ACTR3C: variants seen among roughly 807,000 people sequenced by gnomAD.
The protein encoded by ACTR3C is actin related protein 3C.
A neutral mutation model predicts 26.3 loss-of-function variants in ACTR3C; 18 were observed. The observed-to-expected ratio is 0.68, with a 90% CI of 0.47 to 1.01. The LOEUF (loss-of-function observed/expected upper bound fraction) is 1.01. Ranked by LOEUF, ACTR3C falls within the 50% of genes least tolerant of loss-of-function variation. The probability of loss-of-function intolerance (pLI) is 0.00; values close to 1 mark genes in which losing one functional copy is unlikely to be tolerated. For missense variants in ACTR3C, 184 were observed against 250.7 expected (o/e 0.73, Z 1.80); for synonymous variants, 55 against 94.5 (o/e 0.58, Z 2.42).
the ACTR3C span, among the ~76,000 whole-genome samples, chr7:149,958,658 G>A: frequency 6.6e-5 from 10 of 152,290 alleles, no homozygotes; most frequent in African/African-American, 2.2e-4. Context: ...CACCATACAC[G>A]TAAAACATCT....
At chr7:150,165,669 C>T in the ACTR3C span, among the ~76,000 whole-genome samples, 5,270 of 152,176 alleles carry the variant, frequency 0.035, 153 homozygotes, top group East Asian at 0.19. Context: ...TGGAGTGGCC[C>T]CCTTTCCTGC....
intron 6 of ACTR3C, among the ~76,000 whole-genome samples, chr7:150,282,895 T>C (rs1192077789): frequency 6.7e-6 from 1 of 148,982 alleles, no homozygotes; most frequent in Admixed American, 6.6e-5. Context: ...TTTTACATAA[T>C]TTTCAGTGTG....
At chr7:150,032,353 T>C in the ACTR3C span, among the ~76,000 whole-genome samples, 2 of 152,168 alleles carry the variant, frequency 1.3e-5, no homozygotes, top group Non-Finnish European at 2.9e-5. Flanking sequence ...CTGCAAGGTC[T>C]GCAGAACCAC....
At chr7:150,316,274 A>T (rs769250314) in intron 1 of ACTR3C, among the ~76,000 whole-genome samples, 2 of 152,186 alleles carry the variant, frequency 1.3e-5, no homozygotes. Context: ...TAAGCAATAC[A>T]TTGGGCCTGT....
the ACTR3C span, among the ~76,000 whole-genome samples, chr7:150,060,717 C>T: frequency 6.6e-6 from 1 of 152,234 alleles, no homozygotes; most frequent in Non-Finnish European, 1.5e-5. Flanking sequence ...GAAATGCAAG[C>T]TCCGTCCAGC....
chr7:150,251,649 T>C (rs1832861871), intron 6 of ACTR3C, among the ~76,000 whole-genome samples: 1 of 152,056 alleles, frequency 6.6e-6, no homozygotes, highest in Admixed American at 6.5e-5. Context: ...TAATAGAATG[T>C]ACATTTTCTT....
At chr7:150,321,054 C>T (rs1210650184) in intron 1 of ACTR3C, among the ~76,000 whole-genome samples, 2 of 152,182 alleles carry the variant, frequency 1.3e-5, no homozygotes, top group East Asian at 3.9e-4. Context: ...TCACTTAGTT[C>T]AGTTTTAGCA....
At chr7:150,301,852 T>C (rs955912516) in intron 1 of ACTR3C, among the ~76,000 whole-genome samples, 67 of 151,942 alleles carry the variant, frequency 4.4e-4, no homozygotes, top group African/African-American at 1.6e-3. Flanking sequence ...AAAATGGGCA[T>C]TCCAGGGGCA....
the ACTR3C span, among the ~76,000 whole-genome samples, chr7:150,033,892 C>A: frequency 1.4e-5 from 2 of 145,140 alleles, no homozygotes; most frequent in African/African-American, 5.2e-5. Context: ...GGAAGAGGGG[C>A]TCGCTCTCAG....
At chr7:150,216,148 A>G in the ACTR3C span, among the ~76,000 whole-genome samples, 5 of 152,048 alleles carry the variant, frequency 3.3e-5, no homozygotes, top group African/African-American at 7.2e-5. Flanking sequence ...GATATGAAAT[A>G]TAAACAATTA....
At chr7:149,914,320 A>G in the ACTR3C span, among the ~76,000 whole-genome samples, 1 of 152,100 alleles carries the variant, frequency 6.6e-6, no homozygotes, top group Non-Finnish European at 1.5e-5. Context: ...GGCCAGGCAC[A>G]GTGGCTCACA....
the ACTR3C span, among the ~76,000 whole-genome samples, chr7:150,108,622 A>C: frequency 6.9e-6 from 1 of 145,292 alleles, no homozygotes; most frequent in African/African-American, 2.6e-5. Flanking sequence ...TATAAATGCA[A>C]TTAATGTATT....
At chr7:149,894,781 A>G in the ACTR3C span, among the ~76,000 whole-genome samples, 9 of 152,046 alleles carry the variant, frequency 5.9e-5, no homozygotes, top group African/African-American at 2.2e-4. Context: ...TTTATACACT[A>G]TAGGTGGGAA....
chr7:150,127,777 C>T, the ACTR3C span, among the ~76,000 whole-genome samples: 4 of 151,542 alleles, frequency 2.6e-5, no homozygotes, highest in Non-Finnish European at 4.4e-5. Context: ...CTAATTCAAA[C>T]CAAAACAATG....
chr7:150,189,075 T>G, the ACTR3C span, among the ~76,000 whole-genome samples: 2 of 151,318 alleles, frequency 1.3e-5, no homozygotes, highest in African/African-American at 2.5e-5. Context: ...CCTCTTTATA[T>G]GTAGATTCTT....
chr7:149,953,696 CCTCT>C, the ACTR3C span, among the ~76,000 whole-genome samples: 1 of 152,038 alleles, frequency 6.6e-6, no homozygotes, highest in Non-Finnish European at 1.5e-5. Flanking sequence ...AGACTCTTTT[CCTCT>C]CTCTCCTTTC....
At chr7:150,320,340 T>G (rs1299945201) in intron 1 of ACTR3C, among the ~76,000 whole-genome samples, 1 of 152,246 alleles carries the variant, frequency 6.6e-6, no homozygotes, top group East Asian at 1.9e-4. Context: ...AATAGTGTAT[T>G]TTATTACAAA....
intron 5 of ACTR3C, among the ~76,000 whole-genome samples, 156 bp downstream of exon 5, chr7:150,286,211 A>C (rs1835756006): frequency 6.6e-6 from 1 of 151,620 alleles, no homozygotes; most frequent in South Asian, 2.1e-4. Context: ...CAAACTGAAC[A>C]ATCTGTCAAG....
At chr7:150,026,753 AG>A in the ACTR3C span, among the ~76,000 whole-genome samples, 19 of 152,244 alleles carry the variant, frequency 1.2e-4, no homozygotes, top group Middle Eastern at 3.4e-3. Context: ...TATGTCATTC[AG>A]GAAAAAAAAT....
Sources: gnomAD v4.1 joint callset for allele counts (sites outside exome capture counted in the v4.1 genomes callset) on GRCh38, gnomAD v4.1.1 for gene constraint, MANE v1.5 for transcripts, NCBI Gene and HGNC (gene_info 2026-07-23, HGNC 2026-07-21) for gene names.